Variants in TRPC6 observed in about 807,000 individuals in gnomAD.
TRPC6 encodes the protein short transient receptor potential channel 6.
In TRPC6, 55 loss-of-function variants were observed where a neutral mutation model predicts 90.7. The observed-to-expected ratio is 0.61, with a 90% CI of 0.49 to 0.76. TRPC6 has a LOEUF of 0.76. Ranked by LOEUF, TRPC6 falls within the 30% of genes least tolerant of loss-of-function variation. TRPC6 has a pLI of 0.00. For synonymous variants in TRPC6, 393 were observed against 393.0 expected (o/e 1.00, Z 0.00); for missense variants, 989 against 1,122.7 (o/e 0.88, Z 1.70).
In TRPC6 at chr11:101,472,046, G is replaced by A. The variant is rs1859304580; in HGVS notation, c.2205+91C>T. The stretch of plus-strand genomic sequence containing the variant: ...ACAGGGAATGAACAAAGGGCGAAGA[G>A]CAGTCCATGCTTTCATCCCCATTGC... On this transcript the variant is annotated intron_variant, in intron 8 of 12. Transcript: ENST00000344327. The A allele has an allele frequency of 6.2e-6, 8 of 1,281,286 alleles. No homozygotes were observed. The South Asian group carries it at 8.4e-5, about 14-fold the overall frequency. The allele number at this position is 1,281,286 out of a possible 1,614,324, so 79.4% of individuals were successfully genotyped here. A position where few individuals can be genotyped will look rare whatever the true frequency, so the allele number is the denominator to read the frequency against.
intron 1 of TRPC6, among the ~76,000 whole-genome samples, chr11:101,581,941 C>A (rs911103724): frequency 3.9e-5 from 6 of 152,146 alleles, no homozygotes; most frequent in South Asian, 2.1e-4. Flanking sequence ...ATAAAAATAT[C>A]TTCTAATTTA....
chr11:101,580,551 C>T (rs1043005164), intron 1 of TRPC6, among the ~76,000 whole-genome samples: 1 of 152,030 alleles, frequency 6.6e-6, no homozygotes, highest in African/African-American at 2.4e-5. Context: ...TTCAGTTTTA[C>T]TACTGAAAAC....
At chr11:101,456,936 A>T (rs557715897) in intron 10 of TRPC6, among the ~76,000 whole-genome samples, 1 of 152,152 alleles carries the variant, frequency 6.6e-6, no homozygotes, top group Non-Finnish European at 1.5e-5. Context: ...TTCATAAAAA[A>T]CTTAATGATA....
At chr11:101,491,497 C>T (rs1859809520) in intron 3 of TRPC6, 59 bp downstream of exon 3, 1 of 1,593,726 alleles carries the variant, frequency 6.3e-7, no homozygotes, top group African/African-American at 1.3e-5. Flanking sequence ...AACCCTTTAT[C>T]CTTATTTAGC....
intron 1 of TRPC6, among the ~76,000 whole-genome samples, chr11:101,566,803 A>G (rs1308111652): frequency 6.6e-6 from 1 of 152,162 alleles, no homozygotes; most frequent in East Asian, 1.9e-4. Flanking sequence ...TCTCCTAGCC[A>G]AGGAAAGCCA....
At chr11:101,487,473 T>A (rs1859702616) in intron 4 of TRPC6, among the ~76,000 whole-genome samples, 2 of 152,092 alleles carry the variant, frequency 1.3e-5, no homozygotes, top group Admixed American at 6.6e-5. Context: ...CACCAGTCAC[T>A]CAAATAATAT....
chr11:101,516,428 C>T (rs1860524880), intron 1 of TRPC6, among the ~76,000 whole-genome samples: 1 of 152,146 alleles, frequency 6.6e-6, no homozygotes, highest in African/African-American at 2.4e-5. Flanking sequence ...TTTTAAAGAC[C>T]TCTGTGTGCC....
rs1860195712 is a variant in TRPC6, at chr11:101,504,086, T to A, written c.883A>T (p.Met295Leu). The A allele has an allele frequency of 6.2e-7, 1 of 1,614,002 alleles. No individual in the cohort carries two copies. Among genetic ancestry groups the A allele is most frequent in the Non-Finnish European group, 8.5e-7 (1 of 1,179,974 alleles). ...YLSLSSEDPV[M>L]TALELSNELA... Reference sequence around the variant, plus strand: ...TCATTGCTAAGTTCTAAAGCCGTCATGACTGGATCTTCACTAGACAATGAC... The same window carrying A: ...TCATTGCTAAGTTCTAAAGCCGTCAAGACTGGATCTTCACTAGACAATGAC... The change falls in exon 2 of 13, where the codon ATG (methionine) becomes TTG (leucine). Residue 295 changes from methionine to leucine, a missense_variant. By Grantham distance (15) the Met-to-Leu change is conservative. This residue lies in a region of TRPC6 where 486 missense variants were observed against 591.9 expected (regional missense o/e 0.82). Coordinates refer to ENST00000344327, the MANE Select transcript of TRPC6 (RefSeq NM_004621.6).
At chr11:101,525,729 A>G (rs1274150861) in intron 1 of TRPC6, among the ~76,000 whole-genome samples, 1 of 152,206 alleles carries the variant, frequency 6.6e-6, no homozygotes. Context: ...GCCAGTCATG[A>G]AGAAACTTTT....
Position 101,451,765 on chromosome 11 carries a change from A to G in TRPC6, c.*1190T>C, listed in dbSNP as rs1331733184. The G allele has an allele frequency of 6.6e-6, 1 of 152,216 alleles. No individual in the cohort carries two copies. Among genetic ancestry groups the G allele is most frequent in the East Asian group, 1.9e-4 (1 of 5,204 alleles). The allele number at this position is 152,216 out of a possible 1,614,324, so 9.4% of individuals were successfully genotyped here. The stretch of plus-strand genomic sequence containing the variant: ...CTTTAAGATGAAGTTAAAGATTTGC[A>G]TTTGAAATCTCCCATTATTGAATTG... On this transcript the variant is annotated 3_prime_UTR_variant, in exon 13 of 13. Transcript: ENST00000344327.
At chr11:101,500,065 G>GTATA (rs71056617) in intron 2 of TRPC6, among the ~76,000 whole-genome samples, 3 of 43,312 alleles carry the variant, frequency 6.9e-5, no homozygotes, top group East Asian at 3.1e-4. Context: ...ATGTGTGTGT[G>GTATA]TATATATATA....
rs1860055848 is a variant in TRPC6, at chr11:101,499,753, T to TAAA, written c.945+4270_945+4271insTTT. On this transcript the variant is annotated intron_variant, in intron 2 of 12. Transcript: ENST00000344327. Reference sequence around the variant, plus strand: ...TATGTGTATATATATATACACAATATATAATGTGTATATATATATATACAC... The same window carrying TAAA: ...TATGTGTATATATATATACACAATATAAAATAATGTGTATATATATATATACAC... Among the ~76,000 whole-genome samples the TAAA allele has an allele frequency of 2.3e-3, 13 of 5,582 alleles. 6 individuals carry two copies. The South Asian group carries it at 0.067, about 29-fold the overall frequency. The allele number at this position is 5,582 out of a possible 152,430, so 3.7% of individuals were successfully genotyped here. A position where few individuals can be genotyped will look rare whatever the true frequency, so the allele number is the denominator to read the frequency against.
At chr11:101,542,232 G>C (rs1029609251) in intron 1 of TRPC6, among the ~76,000 whole-genome samples, 1 of 152,194 alleles carries the variant, frequency 6.6e-6, no homozygotes, top group African/African-American at 2.4e-5. Flanking sequence ...TTGGGCACCT[G>C]CCTGTGGCAA....
intron 1 of TRPC6, among the ~76,000 whole-genome samples, chr11:101,582,486 G>A (rs1462588978): frequency 6.6e-6 from 1 of 152,096 alleles, no homozygotes; most frequent in East Asian, 1.9e-4. Flanking sequence ...TGGTCACAGC[G>A]GTGTCGGGGA....
intron 1 of TRPC6, among the ~76,000 whole-genome samples, chr11:101,553,357 C>T (rs993859372): frequency 6.6e-6 from 1 of 151,952 alleles, no homozygotes; most frequent in Non-Finnish European, 1.5e-5. Context: ...CCTGACTAGG[C>T]TTTGTAACCC....
chr11:101,522,825 T>A (rs549915321), intron 1 of TRPC6, among the ~76,000 whole-genome samples: 1 of 152,242 alleles, frequency 6.6e-6, no homozygotes, highest in East Asian at 1.9e-4. Flanking sequence ...AAGGAAATGT[T>A]AGGCATAGCT....
At chr11:101,479,340 C>A (rs1859494672) in intron 5 of TRPC6, among the ~76,000 whole-genome samples, 1 of 152,180 alleles carries the variant, frequency 6.6e-6, no homozygotes, top group South Asian at 2.1e-4. Context: ...CTCCTAAGGC[C>A]CTTTTCACTA....
chr11:101,553,466 G>A (rs4301757), intron 1 of TRPC6, among the ~76,000 whole-genome samples: 36,662 of 151,872 alleles, frequency 0.24, 4,752 homozygotes, highest in East Asian at 0.4. Context: ...ATATCTCCCG[G>A]CCTATTAACT....
At chr11:101,565,608 C>A in intron 1 of TRPC6, among the ~76,000 whole-genome samples, 1 of 152,020 alleles carries the variant, frequency 6.6e-6, no homozygotes, top group East Asian at 1.9e-4. Context: ...AACTCTCTGA[C>A]ATTACTCTCC....
Sources: allele counts gnomAD v4.1 joint callset (sites outside exome capture counted in the v4.1 genomes callset), GRCh38; gene constraint gnomAD v4.1.1; regional missense constraint gnomAD v4.1.1; transcripts MANE v1.5; gene names NCBI Gene and HGNC (gene_info 2026-07-23, HGNC 2026-07-21).